Variants in CUX2 observed in about 807,000 individuals in gnomAD.
The protein encoded by CUX2 is cut like homeobox 2.
A neutral mutation model predicts 144.8 loss-of-function variants in CUX2; 40 were observed. The observed-to-expected ratio is 0.28, with a 90% confidence interval of 0.21 to 0.36. The LOEUF (loss-of-function observed/expected upper bound fraction) is 0.36. CUX2 is among the 10% of genes least tolerant of loss of function. CUX2 has a pLI of 1.00. For synonymous variants in CUX2, 827 were observed against 875.6 expected, an observed-to-expected ratio of 0.94 and a Z score of 0.98; for missense variants, 1,615 against 1,994.0, an observed-to-expected ratio of 0.81 and a Z score of 3.62.
chr12:111,265,922 A>T (rs1377124339), intron 4 of CUX2, among the ~76,000 whole-genome samples: 1 of 152,036 alleles, frequency 6.6e-6, no homozygotes. Context: ...AACCCAAACC[A>T]CAGAGAACAC....
Position 111,093,610 on chromosome 12 carries a change from A to G in CUX2, c.63+59370A>G, listed in dbSNP as rs555446995. On this transcript the variant is annotated intron_variant, in intron 1 of 21. Coordinates refer to ENST00000261726, the MANE Select transcript of CUX2 (RefSeq NM_015267.4). ...CTGAACTGACTGCTTCAGCTCACCC[A>G]GGGCAGCAGGGCTGGGGCCAGAAAT... 2.4e-4 allele frequency among the ~76,000 whole-genome samples: 37 copies of G among 152,228 alleles called. 1 individual carries two copies. Among genetic ancestry groups the G allele is most frequent in the African/African-American group, 8.2e-4 (34 of 41,546 alleles).
chr12:111,058,567 G>T (rs766694232), intron 1 of CUX2, among the ~76,000 whole-genome samples: 2 of 151,906 alleles, frequency 1.3e-5, no homozygotes, highest in Admixed American at 6.6e-5. Flanking sequence ...GAGAGAGAGA[G>T]ACAGACAGAC....
At chr12:111,128,649 A>T (rs966806131) in intron 1 of CUX2, among the ~76,000 whole-genome samples, 1 of 152,212 alleles carries the variant, frequency 6.6e-6, no homozygotes, top group African/African-American at 2.4e-5. Context: ...TTGGGGGCCC[A>T]TGGTCAAGCA....
At position 111,225,051 on chromosome 12, in the gene CUX2, G is replaced by A. The variant is rs551579336; in HGVS notation, c.222+7114G>A. Among the ~76,000 whole-genome samples, 18 of 152,204 alleles carry A rather than the reference G, an allele frequency of 1.2e-4. No individual in the cohort carries two copies. The East Asian group carries it at 1.4e-3, about 11-fold the overall frequency. On this transcript the variant is annotated intron_variant, in intron 3 of 21. Coordinates refer to ENST00000261726, the MANE Select transcript of CUX2 (RefSeq NM_015267.4). The stretch of plus-strand genomic sequence containing the variant: ...CTCCCGAGTAGCTGGGACTATAGGC[G>A]CACAACACCACACCCAGCTAATTTT...
chr12:111,087,300 G>A (rs973409869), intron 1 of CUX2, among the ~76,000 whole-genome samples: 8 of 150,160 alleles, frequency 5.3e-5, no homozygotes, highest in African/African-American at 1.5e-4. Context: ...CCTGGGAGGC[G>A]GAGGTTGCAG....
At chr12:111,120,402 CTTCCCCTTAAAACCACAAA>C (rs1467748249) in intron 1 of CUX2, among the ~76,000 whole-genome samples, 1 of 152,128 alleles carries the variant, frequency 6.6e-6, no homozygotes, top group Admixed American at 6.5e-5. Flanking sequence ...ATCACGTCTC[CTTCCCCTTAAAACCACAAA>C]TAGCCGGGCT....
intron 20 of CUX2, among the ~76,000 whole-genome samples, chr12:111,339,985 CAGA>C (rs1888512251): frequency 6.6e-6 from 1 of 152,106 alleles, no homozygotes; most frequent in Admixed American, 6.6e-5. Context: ...CACTTGAGGC[CAGA>C]AGTTCAAGAG....
chr12:111,259,643 C>G (rs1261114989), intron 3 of CUX2, among the ~76,000 whole-genome samples: 1 of 151,696 alleles, frequency 6.6e-6, no homozygotes, highest in Admixed American at 6.6e-5. Context: ...GCAGGCAAAT[C>G]ACTTGAGATC....
chr12:111,116,822 C>CT (rs1874332573), intron 1 of CUX2, among the ~76,000 whole-genome samples: 1 of 152,214 alleles, frequency 6.6e-6, no homozygotes, highest in African/African-American at 2.4e-5. Context: ...ATCATAATTT[C>CT]CTCCAACAAT....
chr12:111,141,126 C>A (rs117417662), intron 1 of CUX2, among the ~76,000 whole-genome samples: 10 of 152,144 alleles, frequency 6.6e-5, no homozygotes, highest in Non-Finnish European at 1.3e-4. Context: ...AATGCAGTGC[C>A]GGAAAAATAA....
intron 1 of CUX2, among the ~76,000 whole-genome samples, chr12:111,170,116 C>A: frequency 6.6e-6 from 1 of 152,176 alleles, no homozygotes; most frequent in East Asian, 1.9e-4. Flanking sequence ...CTTGAGCATT[C>A]GTCCTGAGTC....
At chr12:111,274,750 C>T (rs750917837) in intron 4 of CUX2, among the ~76,000 whole-genome samples, 8 of 152,214 alleles carry the variant, frequency 5.3e-5, no homozygotes, top group Non-Finnish European at 1.2e-4. Context: ...GGAGCCTGGG[C>T]CCAGATGGGA....
intron 4 of CUX2, among the ~76,000 whole-genome samples, chr12:111,273,009 G>C (rs537130539): frequency 6.6e-6 from 1 of 152,314 alleles, no homozygotes; most frequent in South Asian, 2.1e-4. Flanking sequence ...CGTCTCATTA[G>C]CTTATGCTCT....
chr12:111,229,982 C>G (rs1220727749), intron 3 of CUX2, among the ~76,000 whole-genome samples: 2 of 150,086 alleles, frequency 1.3e-5, no homozygotes, highest in Non-Finnish European at 3.0e-5. Context: ...CCACTGCACT[C>G]CAGCCTGGAT....
chr12:111,284,330 G>A (rs1057119414), intron 4 of CUX2, among the ~76,000 whole-genome samples: 5 of 152,152 alleles, frequency 3.3e-5, no homozygotes, highest in Admixed American at 6.5e-5. Context: ...CAGCAGGACC[G>A]AGGGCAGCCA....
At chr12:111,108,489 C>T (rs1383179220) in intron 1 of CUX2, among the ~76,000 whole-genome samples, 2 of 152,178 alleles carry the variant, frequency 1.3e-5, no homozygotes, top group Non-Finnish European at 2.9e-5. Flanking sequence ...TCCGTCATTA[C>T]TTCTACATTT....
intron 18 of CUX2, among the ~76,000 whole-genome samples, chr12:111,327,626 G>A (rs1887879777): frequency 6.6e-6 from 1 of 152,182 alleles, no homozygotes; most frequent in Admixed American, 6.6e-5. Flanking sequence ...ACCACAGGTA[G>A]GATAGAGGTA....
At chr12:111,145,809 G>A (rs1190341736) in intron 1 of CUX2, among the ~76,000 whole-genome samples, 1 of 152,108 alleles carries the variant, frequency 6.6e-6, no homozygotes, top group Non-Finnish European at 1.5e-5. Context: ...TGGGATTACA[G>A]CCATGCGCCA....
intron 1 of CUX2, among the ~76,000 whole-genome samples, chr12:111,212,392 T>TC (rs1315074728): frequency 6.6e-6 from 1 of 152,020 alleles, no homozygotes; most frequent in Non-Finnish European, 1.5e-5. Context: ...CTGTTTCCGC[T>TC]CCCCCACCAA....
Sources: gnomAD v4.1 joint callset for allele counts (sites outside exome capture counted in the v4.1 genomes callset) on GRCh38, gnomAD v4.1.1 for gene constraint, MANE v1.5 for transcripts, NCBI Gene and HGNC (gene_info 2026-07-23, HGNC 2026-07-21) for gene names.